The following TENM4 variants were observed in gnomAD, a reference collection of about 807,000 sequenced individuals.
TENM4 encodes teneurin transmembrane protein 4.
TENM4 carries 82 observed loss-of-function variants against 243.3 expected under a neutral mutation model. The observed-to-expected ratio is 0.34, with a 90% CI of 0.28 to 0.40. TENM4 has a LOEUF of 0.40. Among genes scored for constraint, TENM4 ranks in the 10% least tolerant of loss-of-function variants. The pLI is 1.00. For synonymous variants in TENM4, 1,412 were observed against 1,456.3 expected, an observed-to-expected ratio of 0.97 and a Z score of 0.69; for missense variants, 3,138 against 3,673.3, an observed-to-expected ratio of 0.85 and a Z score of 3.77.
intron 4 of TENM4, among the ~76,000 whole-genome samples, chr11:79,088,827 G>GA (rs1698840264): frequency 6.6e-6 from 1 of 152,184 alleles, no homozygotes; most frequent in East Asian, 1.9e-4. Context: ...TCTGTGCTGG[G>GA]ATTGAAGGTG....
chr11:79,344,502 A>G (rs1279912605), intron 1 of TENM4, among the ~76,000 whole-genome samples: 1 of 152,214 alleles, frequency 6.6e-6, no homozygotes, highest in Non-Finnish European at 1.5e-5. Flanking sequence ...TATGGAACTT[A>G]CAGAAAGAGA....
intron 4 of TENM4, among the ~76,000 whole-genome samples, chr11:79,138,331 T>TATA (rs1565219213): frequency 1.5e-3 from 114 of 76,134 alleles, no homozygotes; most frequent in African/African-American, 4.4e-3. Context: ...ATATATATAT[T>TATA]ATATATATAA....
chr11:78,826,439 T>C (rs559488295), intron 12 of TENM4, among the ~76,000 whole-genome samples: 10 of 152,234 alleles, frequency 6.6e-5, no homozygotes, highest in African/African-American at 2.4e-4. Context: ...CACAAAACTA[T>C]ATAAAGATAA....
chr11:79,384,280 A>T (rs559046682), intron 1 of TENM4, among the ~76,000 whole-genome samples: 1 of 152,232 alleles, frequency 6.6e-6, no homozygotes, highest in Non-Finnish European at 1.5e-5. Context: ...ATTGATAGTA[A>T]TAACACGATG....
At chr11:79,367,731 T>C (rs551365312) in intron 1 of TENM4, among the ~76,000 whole-genome samples, 2 of 152,236 alleles carry the variant, frequency 1.3e-5, no homozygotes, top group African/African-American at 4.8e-5. Context: ...TGACTCAAAT[T>C]ATTGGAAGAA....
intron 2 of TENM4, among the ~76,000 whole-genome samples, chr11:79,216,817 C>T (rs1364531812): frequency 2.0e-5 from 3 of 152,168 alleles, no homozygotes; most frequent in East Asian, 3.9e-4. Flanking sequence ...TTATAAACTA[C>T]CCAGTCTGAG....
chr11:79,303,252 C>T (rs1856577706), intron 1 of TENM4, among the ~76,000 whole-genome samples: 1 of 152,184 alleles, frequency 6.6e-6, no homozygotes, highest in African/African-American at 2.4e-5. Context: ...TTAAATGTTG[C>T]ATTGGCTATG....
At chr11:78,826,895 C>T (rs2136136289) in intron 12 of TENM4, among the ~76,000 whole-genome samples, 1 of 152,264 alleles carries the variant, frequency 6.6e-6, no homozygotes, top group African/African-American at 2.4e-5. Flanking sequence ...TATGATCAGC[C>T]ACAGGCCATC....
intron 6 of TENM4, among the ~76,000 whole-genome samples, chr11:78,955,656 A>G (rs974586700): frequency 6.6e-6 from 1 of 152,200 alleles, no homozygotes; most frequent in African/African-American, 2.4e-5. Context: ...ACAATGAGTG[A>G]CTAATTAGAG....
At chr11:79,287,272 T>C (rs1590853021) in intron 2 of TENM4, among the ~76,000 whole-genome samples, 1 of 152,144 alleles carries the variant, frequency 6.6e-6, no homozygotes, top group East Asian at 1.9e-4. Flanking sequence ...CATTCTTGGT[T>C]ACATGCCATT....
At chr11:79,000,242 A>C (rs766449596) in intron 6 of TENM4, among the ~76,000 whole-genome samples, 1 of 152,250 alleles carries the variant, frequency 6.6e-6, no homozygotes, top group Admixed American at 6.5e-5. Flanking sequence ...TCACATGTCT[A>C]AATCAAGTCT....
chr11:78,780,894 A>G (rs1212977635), intron 16 of TENM4, among the ~76,000 whole-genome samples: 1 of 152,238 alleles, frequency 6.6e-6, no homozygotes, highest in Non-Finnish European at 1.5e-5. Flanking sequence ...TTCAGGAGAC[A>G]AAAGTAGACA....
At chr11:78,966,270 TAA>T (rs1682349513) in intron 6 of TENM4, among the ~76,000 whole-genome samples, 1 of 151,912 alleles carries the variant, frequency 6.6e-6, no homozygotes, top group Non-Finnish European at 1.5e-5. Flanking sequence ...AAATTAAAAT[TAA>T]AATAAGTAAC....
At chr11:79,328,155 T>C (rs932294307) in intron 1 of TENM4, among the ~76,000 whole-genome samples, 2 of 152,210 alleles carry the variant, frequency 1.3e-5, no homozygotes, top group Non-Finnish European at 2.9e-5. Context: ...AGGAAGAGAA[T>C]GAACATTTAG....
chr11:78,886,035 C>G (rs566911593), intron 9 of TENM4, among the ~76,000 whole-genome samples: 2 of 152,288 alleles, frequency 1.3e-5, no homozygotes, highest in African/African-American at 4.8e-5. Flanking sequence ...TATTTTCCAC[C>G]CTCTGTTTCT....
At chr11:79,005,154 T>C (rs1380466123) in intron 6 of TENM4, among the ~76,000 whole-genome samples, 1 of 152,008 alleles carries the variant, frequency 6.6e-6, no homozygotes, top group Non-Finnish European at 1.5e-5. Context: ...CAGGACCAGA[T>C]GGATTCACAG....
intron 4 of TENM4, among the ~76,000 whole-genome samples, chr11:79,120,720 G>T (rs1471770988): frequency 6.6e-6 from 1 of 152,202 alleles, no homozygotes; most frequent in South Asian, 2.1e-4. Context: ...GGAGATTTTG[G>T]ACATGCTCTA....
chr11:79,105,795 A>G (rs1861350601), intron 4 of TENM4, among the ~76,000 whole-genome samples: 1 of 152,270 alleles, frequency 6.6e-6, no homozygotes, highest in African/African-American at 2.4e-5. Context: ...GCAGTTTGCA[A>G]GAGCAAGGTA....
intron 1 of TENM4, among the ~76,000 whole-genome samples, chr11:79,420,069 T>C (rs1249299446): frequency 1.3e-5 from 2 of 152,202 alleles, no homozygotes; most frequent in Non-Finnish European, 2.9e-5. Context: ...CCCACTGTGT[T>C]CTCTTTGTTC....
Sources: allele counts gnomAD v4.1 joint callset (sites outside exome capture counted in the v4.1 genomes callset), GRCh38; gene constraint gnomAD v4.1.1; transcripts MANE v1.5; gene names NCBI Gene and HGNC (gene_info 2026-07-23, HGNC 2026-07-21).